CD109: variants seen among roughly 807,000 people sequenced by gnomAD.
The protein encoded by CD109 is CD109 antigen.
CD109 carries 149 observed loss-of-function variants against 165.8 expected under a neutral mutation model. The ratio of observed to expected loss-of-function variants is 0.90; its 90% CI spans 0.79 to 1.03. The LOEUF (loss-of-function observed/expected upper bound fraction) is 1.03. Among genes scored for constraint, CD109 ranks in the 50% least tolerant of loss-of-function variants. The pLI is 0.00. For synonymous variants in CD109, 585 were observed against 592.1 expected (o/e 0.99, Z 0.18); for missense variants, 1,712 against 1,677.8 (o/e 1.02, Z -0.36).
At chr6:73,705,807 C>T (rs892365026) in intron 2 of CD109, among the ~76,000 whole-genome samples, 1 of 152,084 alleles carries the variant, frequency 6.6e-6, no homozygotes, top group Non-Finnish European at 1.5e-5. Context: ...ATTGGTGACG[C>T]TTAAGTAAAT....
chr6:73,791,599 G>A (rs970324203), intron 22 of CD109, among the ~76,000 whole-genome samples: 1 of 152,188 alleles, frequency 6.6e-6, no homozygotes, highest in South Asian at 2.1e-4. Context: ...TATGCTTGAT[G>A]TAAAGAACGG....
intron 2 of CD109, among the ~76,000 whole-genome samples, chr6:73,708,955 G>A (rs1771415176): frequency 6.6e-6 from 1 of 152,156 alleles, no homozygotes; most frequent in Non-Finnish European, 1.5e-5. Context: ...TAGGCTGCCT[G>A]TTCACTCTGA....
chr6:73,741,730 G>A (rs1735595889), intron 5 of CD109, among the ~76,000 whole-genome samples: 1 of 152,126 alleles, frequency 6.6e-6, no homozygotes. Flanking sequence ...GGAGTGCAGT[G>A]TGCAATCTCA....
chr6:73,759,708 T>G (rs1046171141), intron 7 of CD109, among the ~76,000 whole-genome samples: 5 of 152,216 alleles, frequency 3.3e-5, no homozygotes, highest in African/African-American at 4.8e-5. Context: ...TACTACCATG[T>G]GATATAACTC....
At chr6:73,803,341 A>G in intron 24 of CD109, 40 bp downstream of exon 24, 2 of 1,497,890 alleles carry the variant, frequency 1.3e-6, no homozygotes, top group South Asian at 1.1e-5. Context: ...GTGTCATGGA[A>G]TGGGCTTTCA....
intron 23 of CD109, among the ~76,000 whole-genome samples, chr6:73,799,997 C>T (rs952132609): frequency 3.3e-5 from 5 of 151,924 alleles, no homozygotes; most frequent in African/African-American, 9.7e-5. Context: ...GGTGGGACTA[C>T]AGGCACATGC....
intron 5 of CD109, among the ~76,000 whole-genome samples, chr6:73,754,549 A>T (rs1429067941): frequency 1.3e-5 from 2 of 152,234 alleles, no homozygotes; most frequent in African/African-American, 4.8e-5. Context: ...TGTGTTAAAC[A>T]AATGATGACC....
chr6:73,755,152 T>C (rs921269071), intron 5 of CD109, among the ~76,000 whole-genome samples: 1 of 152,222 alleles, frequency 6.6e-6, no homozygotes, highest in African/African-American at 2.4e-5. Flanking sequence ...GATTTGACTT[T>C]TGAGAATGAC....
intron 20 of CD109, 125 bp from the exon 21 acceptor site, chr6:73,787,109 C>CT: frequency 1.6e-6 from 1 of 630,306 alleles, no homozygotes; most frequent in East Asian, 2.8e-5. Flanking sequence ...TTGGTCGAAT[C>CT]TTTGTCTCAT....
chr6:73,700,790 GTTTTTTTTTTTTTT>G (rs58140668), intron 2 of CD109, among the ~76,000 whole-genome samples: 3 of 51,478 alleles, frequency 5.8e-5, no homozygotes, highest in Non-Finnish European at 1.1e-4. Context: ...ATTGATTGTA[GTTTTTTTTTTTTTT>G]TTTTTTTTTT....
chr6:73,744,532 T>TA (rs935032607), intron 5 of CD109, among the ~76,000 whole-genome samples: 1 of 152,082 alleles, frequency 6.6e-6, no homozygotes, highest in East Asian at 1.9e-4. Flanking sequence ...TTTTGAAAAT[T>TA]AAAAAAAATC....
upstream of CD109, among the ~76,000 whole-genome samples, chr6:73,691,071 C>T (rs1451927664): frequency 6.6e-6 from 1 of 152,206 alleles, no homozygotes; most frequent in Non-Finnish European, 1.5e-5. Flanking sequence ...CAGCCACCCA[C>T]CTGCTCTCTG....
intron 3 of CD109, among the ~76,000 whole-genome samples, chr6:73,725,220 G>A (rs948959917): frequency 1.3e-5 from 2 of 151,304 alleles, no homozygotes; most frequent in Admixed American, 6.6e-5. Context: ...GTGCCTGGGC[G>A]CAGAACTTTG....
At chr6:73,814,115 T>A (rs1326673690) in intron 29 of CD109, among the ~76,000 whole-genome samples, 4 of 152,116 alleles carry the variant, frequency 2.6e-5, no homozygotes, top group Non-Finnish European at 4.4e-5. Flanking sequence ...AGGATTTTTT[T>A]AAGTATGCAA....
chr6:73,818,797 T>C (rs1402424230), intron 31 of CD109, among the ~76,000 whole-genome samples: 1 of 152,150 alleles, frequency 6.6e-6, no homozygotes, highest in African/African-American at 2.4e-5. Flanking sequence ...GTGAAATACA[T>C]AGAAATTTCC....
Position 73,787,335 on chromosome 6 carries a change from G to A in CD109, c.2439G>A (p.Glu813=), listed in dbSNP as rs1366573287. 1.2e-6 allele frequency: 2 copies of A among 1,613,978 alleles called. No homozygotes were observed. Among genetic ancestry groups the A allele is most frequent in the Non-Finnish European group, 1.7e-6 (2 of 1,179,860 alleles). The change falls in exon 21 of 33, where the codon GAG becomes GAA. Residue 813 remains glutamate (E), a synonymous_variant. Coordinates refer to ENST00000287097, the MANE Select transcript of CD109 (RefSeq NM_133493.5). ...AGCAGACCCTTCTGGTTCCCAGTGAGGATGGGGCAACTGTTCTTTTTCCCA... is the reference window on the plus strand; with the variant it reads ...AGCAGACCCTTCTGGTTCCCAGTGAAGATGGGGCAACTGTTCTTTTTCCCA... ...GHQQTLLVPS[E]DGATVLFPIR... is the part of the protein sequence containing the mutation.
the CD109 span, among the ~76,000 whole-genome samples, chr6:73,686,022 G>T: frequency 6.6e-6 from 1 of 152,220 alleles, no homozygotes; most frequent in Admixed American, 6.5e-5. Context: ...TAAGCTTTCA[G>T]CTTTTGACCA....
intron 10 of CD109, among the ~76,000 whole-genome samples, chr6:73,764,090 A>G (rs994734125): frequency 6.6e-6 from 1 of 152,166 alleles, no homozygotes; most frequent in Non-Finnish European, 1.5e-5. Flanking sequence ...TTTTTTGGAG[A>G]TAATGTTGAA....
At chr6:73,777,389 G>A (rs9447014) in intron 15 of CD109, among the ~76,000 whole-genome samples, 59,264 of 150,498 alleles carry the variant, frequency 0.39, 11,867 homozygotes, top group African/African-American at 0.48. Context: ...GTTGTTTACT[G>A]TGTTGATAGT....
Sources: allele counts gnomAD v4.1 joint callset (sites outside exome capture counted in the v4.1 genomes callset), GRCh38; gene constraint gnomAD v4.1.1; transcripts MANE v1.5; gene names NCBI Gene and HGNC (gene_info 2026-07-23, HGNC 2026-07-21).